Variants in DNAAF8 observed in about 807,000 individuals in gnomAD.
The protein encoded by DNAAF8 is dynein axonemal assembly factor 8.
Under a neutral mutation model 54.6 loss-of-function variants are expected in DNAAF8, and 61 were observed. That is an observed-to-expected ratio of 1.12 (90% CI 0.91 to 1.38). The LOEUF is 1.38. Ranked by LOEUF, DNAAF8 falls within the 40% of genes most tolerant of loss-of-function variation. The probability of loss-of-function intolerance (pLI) is 0.00; values close to 1 mark genes in which losing one functional copy is unlikely to be tolerated. For synonymous variants in DNAAF8, 320 were observed against 270.1 expected (o/e 1.18, Z -1.81); for missense variants, 837 against 665.0 (o/e 1.26, Z -2.85).
At chr16:4,739,265 GTTTTTT>G (rs35113323) in intron 3 of DNAAF8, among the ~76,000 whole-genome samples, 55 of 69,046 alleles carry the variant, frequency 8.0e-4, no homozygotes, top group African/African-American at 2.5e-3. Context: ...ATTTTTTCTT[GTTTTTT>G]TTTTTTTTTT....
intron 9 of DNAAF8, chr16:4,748,400 C>T (rs1205263337): frequency 2.6e-5 from 4 of 152,076 alleles, no homozygotes; most frequent in Non-Finnish European, 4.4e-5. Context: ...CTTTCTCTTT[C>T]TCTTCTTTAC....
intron 2 of DNAAF8, 120 bp from the exon 3 acceptor site, chr16:4,737,680 C>A: frequency 7.8e-7 from 1 of 1,285,136 alleles, no homozygotes; most frequent in Non-Finnish European, 1.1e-6. Flanking sequence ...GCTGGACGGG[C>A]TGGATGGGCT....
chr16:4,745,873 G>C (rs1200776711), intron 6 of DNAAF8, among the ~76,000 whole-genome samples: 3 of 149,186 alleles, frequency 2.0e-5, no homozygotes, highest in East Asian at 2.0e-4. Flanking sequence ...GAAATCTCTT[G>C]AACCCAGGAG....
intron 8 of DNAAF8, 122 bp downstream of exon 8, chr16:4,747,147 A>G: frequency 8.3e-7 from 1 of 1,208,622 alleles, no homozygotes; most frequent in African/African-American, 1.5e-5. Context: ...GCACAGGGTG[A>G]GGGGGACGGC....
At position 4,740,632 on chromosome 16, in the gene DNAAF8, G is replaced by A. The variant is rs149768110; in HGVS notation, c.756G>A (p.Pro252=). The A allele has an allele frequency of 5.6e-5, 90 of 1,608,020 alleles. No individual in the cohort carries two copies. The highest frequency in any genetic ancestry group is 5.5e-4 in the African/African-American group (41 of 75,010). The stretch of plus-strand genomic sequence containing the variant: ...CCAAAATGCCCCTCGTGGAGCCTCC[G>A]GAGGGACCACCAGTGCTCTCGCTCC... ...PRSKMPLVEP[P]EGPPVLSLQQ... Residue 252 remains proline, a synonymous_variant, in exon 4 of 10, where the codon CCG becomes CCA. Coordinates refer to ENST00000299320, the MANE Select transcript of DNAAF8 (RefSeq NM_139170.3).
Position 4,737,821 on chromosome 16 carries a change from C to T in DNAAF8, c.151C>T (p.Leu51=). 2 of 1,614,162 alleles carry T rather than the reference C, an allele frequency of 1.2e-6. No homozygotes were observed. The highest frequency in any genetic ancestry group is 8.5e-7 in the Non-Finnish European group (1 of 1,179,990). ...SPLSDYGEEE[L]FIFQRNQTSL... is the part of the protein sequence containing the mutation. ...ACAGTCGGACTATGGGGAAGAGGAG[C>T]TGTTCATCTTCCAGCGAAACCAAAC... The change falls in exon 3 of 10, where the codon CTG becomes TTG. Residue 51 remains leucine (L), a synonymous_variant. Coordinates refer to ENST00000299320, the MANE Select transcript of DNAAF8 (RefSeq NM_139170.3).
chr16:4,746,915 C>T lies in DNAAF8; in HGVS notation c.1182-12C>T, dbSNP rs1157502965. 3 of 1,541,760 alleles carry T rather than the reference C, an allele frequency of 1.9e-6. No homozygotes were observed. The highest frequency in any genetic ancestry group is 2.6e-6 in the Non-Finnish European group (3 of 1,145,706). On this transcript the variant is annotated splice_polypyrimidine_tract_variant and intron_variant, in intron 7 of 9. Coordinates refer to ENST00000299320, the MANE Select transcript of DNAAF8 (RefSeq NM_139170.3). Reference sequence around the variant, plus strand: ...AGTGGGCACATCCAGAAACCCATTTCTCTCCCTGCAGCTCCAGCCACAGCT... The same window carrying T: ...AGTGGGCACATCCAGAAACCCATTTTTCTCCCTGCAGCTCCAGCCACAGCT...
intron 3 of DNAAF8, among the ~76,000 whole-genome samples, chr16:4,739,603 C>G (rs2081938227): frequency 6.8e-6 from 1 of 146,692 alleles, no homozygotes; most frequent in African/African-American, 2.5e-5. Flanking sequence ...GGCTGGAATA[C>G]AATGGTGCCC....
chr16:4,744,856 T>C lies in DNAAF8; in HGVS notation c.902-14T>C. 1 of 1,608,758 alleles carries C rather than the reference T, an allele frequency of 6.2e-7. No individual in the cohort carries two copies. Among genetic ancestry groups the C allele is most frequent in the Non-Finnish European group, 8.5e-7 (1 of 1,176,798 alleles). On this transcript the variant is annotated splice_polypyrimidine_tract_variant and intron_variant, in intron 5 of 9. Transcript: ENST00000299320. The stretch of plus-strand genomic sequence containing the variant: ...AAGTCCCCACTAATCAGCCTCTCCT[T>C]TGGCCATCCTCAGACCGCATGGTGC...
rs2081974717 is a variant in DNAAF8 at position 4,743,164 on chromosome 16, T to C, written c.901+4T>C. 1 of 1,575,538 alleles carries C rather than the reference T, an allele frequency of 6.3e-7. No individual in the cohort carries two copies. Among genetic ancestry groups the C allele is most frequent in the African/African-American group, 1.4e-5 (1 of 73,590 alleles). On this transcript the variant is annotated splice_donor_region_variant and intron_variant, in intron 5 of 9. Transcript: ENST00000299320. ...GCTGACCACCGCCAAGTTCAAGGTC[T>C]GACCTTGAACACTGGAGCCCACGTG...
chr16:4,744,910 G>C lies in DNAAF8; in HGVS notation c.942G>C (p.Gln314His), dbSNP rs140721848. 2 of 1,613,754 alleles carry C rather than the reference G, an allele frequency of 1.2e-6. No individual in the cohort carries two copies. Among genetic ancestry groups the C allele is most frequent in the Admixed American group, 3.3e-5 (2 of 60,002 alleles). ...GCGCCCACAACAGGCTCATGGAACAGCTGGCCCTCCTGTGCACCACGCAGT... is the reference window on the plus strand; with the variant it reads ...GCGCCCACAACAGGCTCATGGAACACCTGGCCCTCCTGTGCACCACGCAGT... ...VPSAHNRLME[Q>H]LALLCTTQSK... The change falls in exon 6 of 10, where the codon CAG becomes CAC. Residue 314 changes from glutamine to histidine, a missense_variant. Coordinates refer to ENST00000299320, the MANE Select transcript of DNAAF8 (RefSeq NM_139170.3).
intron 3 of DNAAF8, 51 bp downstream of exon 3, chr16:4,737,997 A>T: frequency 6.3e-7 from 1 of 1,581,372 alleles, no homozygotes; most frequent in Non-Finnish European, 8.7e-7. Flanking sequence ...ATGTTAGTCT[A>T]AACTGACTGG....
rs557616924 is a variant in DNAAF8 at position 4,740,466 on chromosome 16, G to A, written c.590G>A (p.Arg197Gln). The A allele has an allele frequency of 9.3e-6, 15 of 1,613,868 alleles. No homozygotes were observed. Among genetic ancestry groups the A allele is most frequent in the Middle Eastern group, 1.6e-4 (1 of 6,084 alleles). ...GCCTCACAAGAATCTGTGAACCGCC[G>A]GGCCCTCCGACAGGAGAGAAGGAAG... ...STASQESVNR[R>Q]ALRQERRKMI... Residue 197 changes from arginine to glutamine, a missense_variant, in exon 4 of 10, where the codon CGG (arginine) becomes CAG (glutamine). Arg to Gln is a conservative substitution (Grantham distance 43, BLOSUM62 1). Coordinates refer to ENST00000299320, the MANE Select transcript of DNAAF8 (RefSeq NM_139170.3).
intron 2 of DNAAF8, 140 bp downstream of exon 2, chr16:4,736,783 C>A: frequency 1.0e-6 from 1 of 963,522 alleles, no homozygotes; most frequent in Non-Finnish European, 1.4e-6. Flanking sequence ...CTTTAAATCG[C>A]ATGGCCAGAC....
chr16:4,744,832 A>C, intron 5 of DNAAF8, 38 bp from the exon 6 acceptor site: 1 of 1,593,804 alleles, frequency 6.3e-7, no homozygotes, highest in Non-Finnish European at 8.6e-7. Flanking sequence ...AAGTGGGCCA[A>C]GTCCCCACTA....
Position 4,747,726 on chromosome 16 carries a change from C to G in DNAAF8, c.*9+92C>G, listed in dbSNP as rs1309200435. The G allele has an allele frequency of 4.3e-6, 6 of 1,400,728 alleles. No homozygotes were observed. In the African/African-American group the frequency reaches 8.7e-5, roughly 20 times the overall value. The allele number at this position is 1,400,728 out of a possible 1,614,324, so 86.8% of individuals were successfully genotyped here. On this transcript the variant is annotated intron_variant, in intron 9 of 9. Coordinates refer to ENST00000299320, the MANE Select transcript of DNAAF8 (RefSeq NM_139170.3). ...CTTGTTGTTCCTGCATTTCCACTAG[C>G]AGGGGCATTCCAGAGGCAGGGACCC...
chr16:4,746,297 G>A, intron 6 of DNAAF8, 78 bp from the exon 7 acceptor site: 2 of 1,464,306 alleles, frequency 1.4e-6, no homozygotes, highest in South Asian at 1.3e-5. Context: ...CACGAGCACT[G>A]TGACTGGACA....
intron 4 of DNAAF8, among the ~76,000 whole-genome samples, chr16:4,741,421 A>G (rs1024388032): frequency 6.6e-6 from 1 of 152,184 alleles, no homozygotes; most frequent in African/African-American, 2.4e-5. Flanking sequence ...CTCATAAACT[A>G]GTGAGCACCT....
At chr16:4,735,560 C>A (rs1320588583) in intron 1 of DNAAF8, among the ~76,000 whole-genome samples, 3 of 152,030 alleles carry the variant, frequency 2.0e-5, no homozygotes, top group Non-Finnish European at 4.4e-5. Flanking sequence ...CTCAAGCTCC[C>A]CAGCCCCCTG....
Sources: gnomAD v4.1 joint callset for allele counts (sites outside exome capture counted in the v4.1 genomes callset) on GRCh38, gnomAD v4.1.1 for gene constraint, MANE v1.5 for transcripts, NCBI Gene and HGNC (gene_info 2026-07-23, HGNC 2026-07-21) for gene names.